The following TPRG1 variants were observed in gnomAD, a reference collection of about 807,000 sequenced individuals.
The protein encoded by TPRG1 is tumor protein p63-regulated gene 1 protein.
A neutral mutation model predicts 29.3 loss-of-function variants in TPRG1; 29 were observed. The observed-to-expected ratio is 0.99, with a 90% CI of 0.74 to 1.35. The LOEUF is 1.35. TPRG1 is among the 40% of genes most tolerant of loss of function. The probability of loss-of-function intolerance (pLI) is 0.00; values close to 1 mark genes in which losing one functional copy is unlikely to be tolerated. For missense variants in TPRG1, 327 were observed against 335.0 expected (o/e 0.98, Z 0.19); for synonymous variants, 130 against 116.8 (o/e 1.11, Z -0.73).
chr3:189,000,530 T>C (rs932724838), intron 1 of TPRG1, among the ~76,000 whole-genome samples: 3 of 152,114 alleles, frequency 2.0e-5, no homozygotes, highest in Non-Finnish European at 4.4e-5. Flanking sequence ...TAGGAGTTTG[T>C]ATATAAGTAT....
chr3:189,204,698 A>C (rs930186082), intron 1 of TPRG1, among the ~76,000 whole-genome samples: 1 of 152,174 alleles, frequency 6.6e-6, no homozygotes, highest in Non-Finnish European at 1.5e-5. Context: ...CCTTTCGCAG[A>C]TGTCTGTTGT....
At chr3:189,219,574 TC>T in intron 3 of TPRG1, 1 of 1,267,970 alleles carries the variant, frequency 7.9e-7, no homozygotes, top group Non-Finnish European at 1.0e-6. Flanking sequence ...TTAGAACGGA[TC>T]CATTAAGCCA....
chr3:189,210,638 T>C (rs1735118054), intron 2 of TPRG1, among the ~76,000 whole-genome samples: 1 of 152,210 alleles, frequency 6.6e-6, no homozygotes, highest in Admixed American at 6.5e-5. Context: ...GTGATACTGA[T>C]GCTCTCTGTC....
At chr3:189,099,031 T>G (rs571931638), upstream of TPRG1, among the ~76,000 whole-genome samples, 1 of 152,238 alleles carries the variant, frequency 6.6e-6, no homozygotes, top group East Asian at 1.9e-4. Flanking sequence ...GCAGCTCCTC[T>G]GGTCCCAGCT....
At chr3:189,122,005 T>A (rs1323525285) in intron 1 of TPRG1, 2 of 152,004 alleles carry the variant, frequency 1.3e-5, no homozygotes, top group Non-Finnish European at 2.9e-5. Flanking sequence ...AATTTATGTT[T>A]GTTGATGGGT....
At chr3:189,101,898 G>T (rs1041901322) in intron 1 of TPRG1, among the ~76,000 whole-genome samples, 1 of 152,028 alleles carries the variant, frequency 6.6e-6, no homozygotes, top group Non-Finnish European at 1.5e-5. Context: ...CATCTTTTTA[G>T]TTGCTATATA....
intron 5 of TPRG1, among the ~76,000 whole-genome samples, chr3:189,313,855 T>TAGAG (rs1723074565): frequency 6.6e-6 from 1 of 151,846 alleles, no homozygotes; most frequent in Non-Finnish European, 1.5e-5. Flanking sequence ...CAAAAAGGAG[T>TAGAG]AGAGGTACAT....
chr3:189,024,683 G>T (rs1241994181), intron 4 of TPRG1, among the ~76,000 whole-genome samples: 1 of 152,180 alleles, frequency 6.6e-6, no homozygotes, highest in Non-Finnish European at 1.5e-5. Context: ...TGGGCACTCC[G>T]TTCCAGGGAG....
intron 4 of TPRG1, among the ~76,000 whole-genome samples, chr3:189,269,498 T>C (rs552519239): frequency 3.9e-5 from 6 of 152,322 alleles, no homozygotes; most frequent in African/African-American, 1.2e-4. Flanking sequence ...AGAAATTGTA[T>C]TGAGTCCCGG....
At chr3:189,119,922 G>A (rs1247612166) in intron 1 of TPRG1, among the ~76,000 whole-genome samples, 1 of 152,192 alleles carries the variant, frequency 6.6e-6, no homozygotes, top group Non-Finnish European at 1.5e-5. Flanking sequence ...CTCAGCCGTG[G>A]CAGACACAGT....
At chr3:189,111,954 A>G (rs1720582421) in intron 1 of TPRG1, among the ~76,000 whole-genome samples, 1 of 152,086 alleles carries the variant, frequency 6.6e-6, no homozygotes, top group Non-Finnish European at 1.5e-5. Context: ...TGCCCTTTAC[A>G]TGGTTGTGGA....
intron 1 of TPRG1, among the ~76,000 whole-genome samples, chr3:189,199,212 A>G (rs910405206): frequency 3.9e-4 from 59 of 152,178 alleles, no homozygotes; most frequent in African/African-American, 1.3e-3. Flanking sequence ...CGTTATCACA[A>G]TCTTATTCCT....
chr3:189,208,057 G>A (rs767493931), intron 2 of TPRG1, among the ~76,000 whole-genome samples: 7 of 152,244 alleles, frequency 4.6e-5, no homozygotes, highest in Non-Finnish European at 8.8e-5. Context: ...GAGGGAGCAG[G>A]TAGCTTTAAA....
chr3:189,095,826 T>A (rs7651394), upstream of TPRG1, among the ~76,000 whole-genome samples: 14,101 of 152,246 alleles, frequency 0.093, 830 homozygotes, highest in African/African-American at 0.17. Flanking sequence ...TTCTTCAGTA[T>A]CCTTCTCAGG....
At chr3:189,148,122 CA>C (rs1725487727) in intron 4 of TPRG1, among the ~76,000 whole-genome samples, 1 of 152,162 alleles carries the variant, frequency 6.6e-6, no homozygotes, top group Admixed American at 6.5e-5. Flanking sequence ...TCTGCAAGGA[CA>C]AAGATGAAAG....
intron 4 of TPRG1, among the ~76,000 whole-genome samples, chr3:189,027,962 C>A (rs1017549919): frequency 5.3e-5 from 8 of 152,064 alleles, no homozygotes; most frequent in African/African-American, 1.9e-4. Flanking sequence ...TTCATTATTT[C>A]ATCAAGTATT....
intron 4 of TPRG1, among the ~76,000 whole-genome samples, chr3:189,056,008 CTCCCTCCCTCCCT>C (rs1715643990): frequency 6.9e-6 from 1 of 145,328 alleles, no homozygotes; most frequent in Non-Finnish European, 1.5e-5. Flanking sequence ...GGATCTCTCT[CTCCCTCCCTCCCT>C]TCCCTCCCTC....
chr3:189,065,682 C>G (rs1412710345), intron 4 of TPRG1, among the ~76,000 whole-genome samples: 1 of 151,852 alleles, frequency 6.6e-6, no homozygotes, highest in Non-Finnish European at 1.5e-5. Flanking sequence ...TGAACATCTA[C>G]AAAAAAACTG....
At chr3:189,288,598 C>T (rs200542913) in intron 4 of TPRG1, among the ~76,000 whole-genome samples, 12 of 152,206 alleles carry the variant, frequency 7.9e-5, no homozygotes, top group Non-Finnish European at 8.8e-5. Context: ...CCTTTGATTC[C>T]GCTTTCCAAT....
Sources: allele counts gnomAD v4.1 joint callset (sites outside exome capture counted in the v4.1 genomes callset), GRCh38; gene constraint gnomAD v4.1.1; transcripts MANE v1.5; gene names NCBI Gene and HGNC (gene_info 2026-07-23, HGNC 2026-07-21).